TBC1D9: variants seen among roughly 807,000 people sequenced by gnomAD.
TBC1D9 encodes TBC1 domain family member 9.
A neutral mutation model predicts 132.0 loss-of-function variants in TBC1D9; 63 were observed. The ratio of observed to expected loss-of-function variants is 0.48; its 90% CI spans 0.39 to 0.59. The LOEUF is 0.59. Among genes scored for constraint, TBC1D9 ranks in the 20% least tolerant of loss-of-function variants. The probability of loss-of-function intolerance (pLI) is 0.00; values close to 1 mark genes in which losing one functional copy is unlikely to be tolerated. For missense variants in TBC1D9, 1,261 were observed against 1,592.7 expected (o/e 0.79, Z 3.54); for synonymous variants, 610 against 609.9 (o/e 1.00, Z 0.00).
intron 1 of TBC1D9, among the ~76,000 whole-genome samples, chr4:140,704,742 C>A (rs778578051): frequency 2.5e-4 from 38 of 152,200 alleles, no homozygotes; most frequent in Non-Finnish European, 4.3e-4. Flanking sequence ...ATGTTCCCAA[C>A]TAAAATCCAA....
At chr4:140,717,114 T>C (rs1738346725) in intron 1 of TBC1D9, among the ~76,000 whole-genome samples, 1 of 152,330 alleles carries the variant, frequency 6.6e-6, no homozygotes, top group Non-Finnish European at 1.5e-5. Context: ...TCAAAGAATA[T>C]CCTCTTTGAA....
chr4:140,626,645 T>C (rs751571690), intron 18 of TBC1D9, among the ~76,000 whole-genome samples: 1 of 152,210 alleles, frequency 6.6e-6, no homozygotes, highest in Non-Finnish European at 1.5e-5. Context: ...AAGACAATGC[T>C]AGATTAATGT....
intron 1 of TBC1D9, among the ~76,000 whole-genome samples, chr4:140,716,884 A>G (rs1738342290): frequency 6.7e-6 from 1 of 150,316 alleles, no homozygotes; most frequent in African/African-American, 2.4e-5. Context: ...GATTTAAAAC[A>G]TGCTCATTTA....
chr4:140,653,982 G>A (rs1364177790), intron 13 of TBC1D9, among the ~76,000 whole-genome samples: 1 of 152,212 alleles, frequency 6.6e-6, no homozygotes, highest in Non-Finnish European at 1.5e-5. Context: ...GCTGACTTCA[G>A]CATGAAGCTA....
chr4:140,724,853 C>T (rs1002467500), intron 1 of TBC1D9, among the ~76,000 whole-genome samples: 2 of 152,048 alleles, frequency 1.3e-5, no homozygotes, highest in African/African-American at 4.8e-5. Context: ...ATTAGAAGTA[C>T]ACTGAAATAT....
rs907063615 is a variant in TBC1D9, at chr4:140,639,035, G to A, written c.2505+51C>T. On this transcript the variant is annotated intron_variant, in intron 15 of 20. Coordinates refer to ENST00000442267, the MANE Select transcript of TBC1D9 (RefSeq NM_015130.3). ...AATCAAGAACTAACTGAATTATTAA[G>A]GTGAACTCCTTTACTCCTTTGAATG... The A allele has an allele frequency of 5.4e-6, 7 of 1,298,184 alleles. No homozygotes were observed. The Admixed American group carries it at 9.3e-5, about 17-fold the overall frequency. The allele number at this position is 1,298,184 out of a possible 1,614,324, so 80.4% of individuals were successfully genotyped here.
intron 8 of TBC1D9, 38 bp downstream of exon 8, chr4:140,669,596 A>T: frequency 6.3e-7 from 1 of 1,583,390 alleles, no homozygotes; most frequent in Non-Finnish European, 8.6e-7. Context: ...GCATTGTTCA[A>T]ATCTACAAAG....
At chr4:140,735,864 G>A (rs1738665928) in intron 1 of TBC1D9, among the ~76,000 whole-genome samples, 1 of 152,196 alleles carries the variant, frequency 6.6e-6, no homozygotes, top group South Asian at 2.1e-4. Context: ...GATAAGAGCT[G>A]TCTTTTGCTA....
intron 13 of TBC1D9, among the ~76,000 whole-genome samples, chr4:140,640,447 TGG>T (rs55770281): frequency 6.5e-5 from 7 of 108,002 alleles, no homozygotes; most frequent in Admixed American, 2.9e-4. Flanking sequence ...GGTGGTGGGG[TGG>T]GGGGGGGAGT....
At chr4:140,744,250 C>T (rs558386558) in intron 1 of TBC1D9, among the ~76,000 whole-genome samples, 21 of 152,122 alleles carry the variant, frequency 1.4e-4, no homozygotes, top group African/African-American at 4.6e-4. Context: ...TAGACTACTG[C>T]CCACCCCAAC....
intron 20 of TBC1D9, 58 bp from the exon 21 acceptor site, chr4:140,622,975 C>A: frequency 1.4e-6 from 2 of 1,453,144 alleles, no homozygotes; most frequent in Middle Eastern, 3.7e-4. Context: ...AAAGGCAGCA[C>A]TGAAGTGGAC....
At chr4:140,745,013 T>C (rs1376063343) in intron 1 of TBC1D9, among the ~76,000 whole-genome samples, 1 of 151,156 alleles carries the variant, frequency 6.6e-6, no homozygotes, top group Non-Finnish European at 1.5e-5. Context: ...CTATAGATAA[T>C]AACTCTTTAA....
At chr4:140,705,702 T>G (rs1242785200) in intron 1 of TBC1D9, among the ~76,000 whole-genome samples, 1 of 152,170 alleles carries the variant, frequency 6.6e-6, no homozygotes, top group African/African-American at 2.4e-5. Flanking sequence ...CCCGCCCCAC[T>G]GCAAAAGCAG....
In TBC1D9 at chr4:140,633,960, C is replaced by T; in HGVS notation, c.2734G>A (p.Val912Ile). 1 of 1,613,942 alleles carries T rather than the reference C, an allele frequency of 6.2e-7. No homozygotes were observed. Among genetic ancestry groups the T allele is most frequent in the Non-Finnish European group, 8.5e-7 (1 of 1,179,894 alleles). Residue 912 changes from valine to isoleucine, a missense_variant, in exon 16 of 21, where the codon GTC becomes ATC. Val to Ile is a conservative substitution (Grantham distance 29, BLOSUM62 3). Coordinates refer to ENST00000442267, the MANE Select transcript of TBC1D9 (RefSeq NM_015130.3). ...ACCACGTCCTTACTTAGCCCAGAGACAAACTCCCGGAAGTTAATCAAAGAG... is the reference window on the plus strand; with the variant it reads ...ACCACGTCCTTACTTAGCCCAGAGATAAACTCCCGGAAGTTAATCAAAGAG... Reference protein sequence around the residue: ...GDSLINFREFVSGLSAACHGD... With the variant: ...GDSLINFREFISGLSAACHGD...
At chr4:140,710,146 G>A (rs932536013) in intron 1 of TBC1D9, among the ~76,000 whole-genome samples, 4 of 152,116 alleles carry the variant, frequency 2.6e-5, no homozygotes, top group African/African-American at 9.7e-5. Flanking sequence ...TTTTCACAAT[G>A]CAAACCAATA....
chr4:140,641,843 C>T (rs1056366407), intron 13 of TBC1D9: 3 of 316,652 alleles, frequency 9.5e-6, no homozygotes, highest in African/African-American at 2.1e-5. Context: ...GCCATCCGCA[C>T]GGGCCTCCTC....
At chr4:140,654,985 ATT>A (rs1737243563) in intron 13 of TBC1D9, among the ~76,000 whole-genome samples, 1 of 152,110 alleles carries the variant, frequency 6.6e-6, no homozygotes, top group South Asian at 2.1e-4. Context: ...AGGTAAATAA[ATT>A]TTGTTACCTC....
chr4:140,645,779 C>T (rs1737093928), intron 13 of TBC1D9, among the ~76,000 whole-genome samples: 1 of 152,154 alleles, frequency 6.6e-6, no homozygotes, highest in Non-Finnish European at 1.5e-5. Flanking sequence ...CTTCATGTTC[C>T]CCAAGTGCAT....
chr4:140,683,572 A>G (rs148361847), intron 3 of TBC1D9, among the ~76,000 whole-genome samples: 23 of 152,350 alleles, frequency 1.5e-4, no homozygotes, highest in African/African-American at 4.8e-4. Flanking sequence ...CAGATGTTCA[A>G]TATAAATTTA....
Sources: gnomAD v4.1 joint callset for allele counts (sites outside exome capture counted in the v4.1 genomes callset) on GRCh38, gnomAD v4.1.1 for gene constraint, MANE v1.5 for transcripts, NCBI Gene and HGNC (gene_info 2026-07-23, HGNC 2026-07-21) for gene names.